Variants in MAGI2 observed in about 807,000 individuals in gnomAD.
MAGI2 encodes the protein membrane associated guanylate kinase, WW and PDZ domain containing 2, also known as membrane-associated guanylate kinase, WW and PDZ domain-containing protein 2.
A neutral mutation model predicts 133.3 loss-of-function variants in MAGI2; 35 were observed. The observed-to-expected ratio is 0.26, with a 90% CI of 0.20 to 0.35. The LOEUF is 0.35. Among genes scored for constraint, MAGI2 ranks in the 10% least tolerant of loss-of-function variants. The probability of loss-of-function intolerance (pLI) is 1.00; values close to 1 mark genes in which losing one functional copy is unlikely to be tolerated. For synonymous variants in MAGI2, 729 were observed against 710.6 expected (o/e 1.03, Z -0.41); for missense variants, 1,636 against 1,863.4 (o/e 0.88, Z 2.25).
At chr7:78,020,008 G>A (rs558932052) in intron 21 of MAGI2, 32 bp from the exon 22 acceptor site, 83 of 1,561,686 alleles carry the variant, frequency 5.3e-5, no homozygotes, top group Non-Finnish European at 7.1e-5. Context: ...GTTAGCAGTG[G>A]CGCACGCAGG....
rs115481245 is a variant in MAGI2 at position 79,327,437 on chromosome 7, T to A, written c.301+125583A>T. ...TCAGGACACACAGGTTCCACTCAGA[T>A]GGCTGTTCTTTCTCTTCCCTTTACC... On this transcript the variant is annotated intron_variant, in intron 1 of 21. Coordinates refer to ENST00000354212, the MANE Select transcript of MAGI2 (RefSeq NM_012301.4). Among the ~76,000 whole-genome samples, 869 of 152,272 alleles carry A rather than the reference T, an allele frequency of 5.7e-3. 9 individuals carry two copies. The highest frequency in any genetic ancestry group is 0.019 in the African/African-American group (804 of 41,564).
intron 2 of MAGI2, among the ~76,000 whole-genome samples, chr7:78,876,152 C>T (rs1460803514): frequency 6.6e-6 from 1 of 151,678 alleles, no homozygotes; most frequent in South Asian, 2.1e-4. Context: ...GAAACCCTGT[C>T]TCTACTAAAA....
intron 20 of MAGI2, among the ~76,000 whole-genome samples, chr7:78,116,512 TA>T (rs1458694011): frequency 6.6e-6 from 1 of 152,126 alleles, no homozygotes; most frequent in Non-Finnish European, 1.5e-5. Flanking sequence ...TTGGCATGAT[TA>T]ATAAAGAAAA....
Position 78,019,592 on chromosome 7 carries a change from C to T in MAGI2, c.4091G>A (p.Gly1364Asp). 2 of 980,938 alleles carry T rather than the reference C, an allele frequency of 2.0e-6. No individual in the cohort carries two copies. The highest frequency in any genetic ancestry group is 2.4e-6 in the Non-Finnish European group (2 of 828,546). 60.8% of individuals were successfully genotyped at this position (980,938 alleles called of 1,614,324 possible). Residue 1364 changes from glycine (G) to aspartate (D), a missense_variant, in exon 22 of 22, where the codon GGC (glycine) becomes GAC (aspartate). This residue lies in a region of MAGI2 where 354 missense variants were observed against 298.7 expected (regional missense o/e 1.19). Coordinates refer to ENST00000354212, the MANE Select transcript of MAGI2 (RefSeq NM_012301.4). ...AADAADAARA[G>D]GKEAPRAAAG... ...CGCCGCACGGGGCGCCTCCTTCCCG[C>T]CCGCCCGCGCCGCGTCCGCCGCGTC...
chr7:78,662,430 G>A (rs1298958763), intron 2 of MAGI2, among the ~76,000 whole-genome samples: 1 of 151,946 alleles, frequency 6.6e-6, no homozygotes, highest in African/African-American at 2.4e-5. Context: ...ACTTCCTTAA[G>A]GTCTATATAA....
chr7:78,334,626 G>T (rs1273965467), intron 9 of MAGI2, among the ~76,000 whole-genome samples: 2 of 152,166 alleles, frequency 1.3e-5, no homozygotes, highest in Non-Finnish European at 1.5e-5. Context: ...TGGGAGAGGG[G>T]GAGGTTAGGA....
At chr7:78,511,653 C>G (rs1337485430) in intron 4 of MAGI2, among the ~76,000 whole-genome samples, 5 of 149,558 alleles carry the variant, frequency 3.3e-5, no homozygotes, top group African/African-American at 1.2e-4. Flanking sequence ...AAATCCAGGG[C>G]TCTAGCCATC....
intron 6 of MAGI2, among the ~76,000 whole-genome samples, chr7:78,398,333 T>A (rs1453451810): frequency 1.3e-5 from 2 of 152,156 alleles, no homozygotes; most frequent in African/African-American, 4.8e-5. Flanking sequence ...AAATTGCACC[T>A]CTCAACTTGA....
chr7:78,077,725 G>GTTTTTTTTT lies in MAGI2; in HGVS notation c.3706+1213_3706+1221dup, dbSNP rs538030969. On this transcript the variant is annotated intron_variant, in intron 21 of 21. Transcript: ENST00000354212. Reference sequence around the variant, plus strand: ...TGAAATGAAAAGTACTCTTTAGAATGTTTTTTTTTTTTTTTTTTTTTGAGA... The same window carrying GTTTTTTTTT: ...TGAAATGAAAAGTACTCTTTAGAATGTTTTTTTTTTTTTTTTTTTTTTTTTTTTTTGAGA... Among the ~76,000 whole-genome samples the GTTTTTTTTT allele has an allele frequency of 1.6e-3, 161 of 101,230 alleles. 12 individuals carry two copies. Among genetic ancestry groups the GTTTTTTTTT allele is most frequent in the Middle Eastern group, 5.9e-3 (1 of 170 alleles). The allele number at this position is 101,230 out of a possible 152,430, so 66.4% of individuals were successfully genotyped here.
intron 1 of MAGI2, among the ~76,000 whole-genome samples, chr7:79,230,815 T>C (rs1831303221): frequency 6.6e-6 from 1 of 150,660 alleles, no homozygotes; most frequent in Non-Finnish European, 1.5e-5. Context: ...CATTTGTCAA[T>C]TTTGTCTTTT....
intron 2 of MAGI2, among the ~76,000 whole-genome samples, chr7:78,897,966 C>T (rs1265697784): frequency 6.6e-6 from 1 of 152,110 alleles, no homozygotes; most frequent in East Asian, 1.9e-4. Context: ...TAATATCGAG[C>T]ATCTATAAGG....
At chr7:78,663,202 C>CTT (rs35544274) in intron 2 of MAGI2, among the ~76,000 whole-genome samples, 25 of 109,212 alleles carry the variant, frequency 2.3e-4, no homozygotes, top group African/African-American at 5.8e-4. Flanking sequence ...TGTACCAACT[C>CTT]TTTTTTTTTT....
chr7:78,803,566 C>T (rs901776987), intron 2 of MAGI2, among the ~76,000 whole-genome samples: 3 of 151,966 alleles, frequency 2.0e-5, no homozygotes, highest in Middle Eastern at 6.3e-3. Context: ...GATCCCTGCT[C>T]CTTGAACTGA....
chr7:78,394,236 AAC>A (rs1796146287), intron 6 of MAGI2, among the ~76,000 whole-genome samples: 1 of 152,184 alleles, frequency 6.6e-6, no homozygotes, highest in Non-Finnish European at 1.5e-5. Flanking sequence ...CAGTCAAGTA[AAC>A]ACATAAAATT....
At chr7:78,599,306 A>G (rs1260902969) in intron 3 of MAGI2, among the ~76,000 whole-genome samples, 2 of 152,182 alleles carry the variant, frequency 1.3e-5, no homozygotes, top group Non-Finnish European at 2.9e-5. Flanking sequence ...CCTCGTATTA[A>G]AAATTTTAAG....
At chr7:78,649,237 A>AAAAAAAAAAAAAAAAAAAAAAAG (rs1563294737) in intron 2 of MAGI2, among the ~76,000 whole-genome samples, 26 of 65,454 alleles carry the variant, frequency 4.0e-4, no homozygotes, top group African/African-American at 7.8e-4. Flanking sequence ...AAAAAAAAAG[A>AAAAAAAAAAAAAAAAAAAAAAAG]AAAAAAAAGA....
At chr7:78,144,406 C>G (rs1823078227) in intron 16 of MAGI2, among the ~76,000 whole-genome samples, 1 of 152,178 alleles carries the variant, frequency 6.6e-6, no homozygotes, top group South Asian at 2.1e-4. Flanking sequence ...CACCTGCTCT[C>G]CTTATCCCAA....
chr7:78,976,546 G>A (rs1584553703), intron 2 of MAGI2, among the ~76,000 whole-genome samples: 1 of 151,276 alleles, frequency 6.6e-6, no homozygotes, highest in Non-Finnish European at 1.5e-5. Flanking sequence ...TATCAACCAG[G>A]AAAATATGTC....
At chr7:79,379,178 T>C (rs1024157736) in intron 1 of MAGI2, among the ~76,000 whole-genome samples, 1 of 150,506 alleles carries the variant, frequency 6.6e-6, no homozygotes, top group Admixed American at 6.6e-5. Flanking sequence ...GTTCTCATTG[T>C]TCAATTCCCA....
Sources: allele counts gnomAD v4.1 joint callset (sites outside exome capture counted in the v4.1 genomes callset), GRCh38; gene constraint gnomAD v4.1.1; regional missense constraint gnomAD v4.1.1; transcripts MANE v1.5; gene names NCBI Gene and HGNC (gene_info 2026-07-23, HGNC 2026-07-21).